The following NR2C2 variants were observed in gnomAD, a reference collection of about 807,000 sequenced individuals.
NR2C2 encodes the protein nuclear receptor subfamily 2 group C member 2.
A neutral mutation model predicts 62.9 loss-of-function variants in NR2C2; 6 were observed. That is an observed-to-expected ratio of 0.10 (90% CI 0.05 to 0.19). The LOEUF (loss-of-function observed/expected upper bound fraction) is 0.19, where lower values mean the gene tolerates loss of function less well. Ranked by LOEUF, NR2C2 falls within the 10% of genes least tolerant of loss-of-function variation. The pLI, the probability that NR2C2 is intolerant of heterozygous loss-of-function variation, is 1.00. For synonymous variants in NR2C2, 272 were observed against 273.8 expected (o/e 0.99, Z 0.07); for missense variants, 479 against 762.7 (o/e 0.63, Z 4.38).
chr3:15,040,510 C>T (rs2042228371), intron 13 of NR2C2, among the ~76,000 whole-genome samples: 1 of 152,232 alleles, frequency 6.6e-6, no homozygotes, highest in African/African-American at 2.4e-5. Flanking sequence ...CTGGGGGCTA[C>T]CCCTTCTGGC....
At chr3:15,031,612 A>G (rs543702448) in intron 9 of NR2C2, among the ~76,000 whole-genome samples, 5 of 152,054 alleles carry the variant, frequency 3.3e-5, no homozygotes, top group South Asian at 2.1e-4. Context: ...GCCTCAAGCA[A>G]TCCTCCCACC....
At chr3:14,966,499 A>C (rs2039863318) in intron 1 of NR2C2, among the ~76,000 whole-genome samples, 1 of 152,164 alleles carries the variant, frequency 6.6e-6, no homozygotes, top group South Asian at 2.1e-4. Context: ...AGGTTGGAGG[A>C]TCACTTGATC....
chr3:14,989,791 G>T lies in NR2C2; in HGVS notation c.-39-14085G>T, dbSNP rs1406043938. Among the ~76,000 whole-genome samples the T allele has an allele frequency of 2.6e-5, 4 of 151,866 alleles. No homozygotes were observed. The East Asian group carries it at 5.8e-4, about 22-fold the overall frequency. On this transcript the variant is annotated intron_variant, in intron 1 of 13. Transcript: ENST00000425241. ...CTACTAAAAATACAAAATTAGCAGG[G>T]TGTGGTGGCAGGCACCTGTAATCCC... is the stretch of plus-strand genomic sequence containing the variant.
At chr3:15,032,973 C>CG (rs992553793) in intron 10 of NR2C2, among the ~76,000 whole-genome samples, 23 of 149,916 alleles carry the variant, frequency 1.5e-4, no homozygotes, top group Middle Eastern at 3.2e-3. Context: ...AACCCCCCCC[C>CG]CTTTTCTTGC....
intron 2 of NR2C2, among the ~76,000 whole-genome samples, chr3:15,007,220 C>T (rs908081163): frequency 6.6e-6 from 1 of 151,760 alleles, no homozygotes; most frequent in African/African-American, 2.4e-5. Context: ...CTCCGCCTCC[C>T]GGGTTCATGC....
At chr3:14,954,392 CGAA>C (rs769395344) in intron 1 of NR2C2, among the ~76,000 whole-genome samples, 5 of 151,380 alleles carry the variant, frequency 3.3e-5, no homozygotes, top group Admixed American at 1.3e-4. Flanking sequence ...AATTTTCAAA[CGAA>C]GAAAAGAAAG....
intron 9 of NR2C2, 95 bp downstream of exon 9, chr3:15,030,547 G>T (rs2041955113): frequency 1.5e-6 from 2 of 1,311,890 alleles, no homozygotes; most frequent in South Asian, 1.6e-5. Flanking sequence ...AAACCTTGGG[G>T]CCAGGCATAG....
At chr3:14,954,393 G>A (rs1181430085) in intron 1 of NR2C2, among the ~76,000 whole-genome samples, 3 of 152,068 alleles carry the variant, frequency 2.0e-5, no homozygotes, top group East Asian at 3.9e-4. Flanking sequence ...ATTTTCAAAC[G>A]AAGAAAAGAA....
In NR2C2 at chr3:15,021,745, C is replaced by T. The variant is rs7640102; in HGVS notation, c.556+813C>T. 5.2e-3 allele frequency among the ~76,000 whole-genome samples: 793 copies of T among 152,310 alleles called. 8 individuals carry two copies. The highest frequency in any genetic ancestry group is 0.018 in the African/African-American group (750 of 41,568). ...CTGCAGGCTTCCGCTGAGTATGCTG[C>T]ATGGTTCTGTCATCTTTTGCATAGT... On this transcript the variant is annotated intron_variant, in intron 5 of 13. Coordinates refer to ENST00000425241, the MANE Select transcript of NR2C2 (RefSeq NM_001291694.2).
chr3:14,960,032 C>T (rs2039648089), intron 1 of NR2C2, among the ~76,000 whole-genome samples: 1 of 152,156 alleles, frequency 6.6e-6, no homozygotes, highest in African/African-American at 2.4e-5. Flanking sequence ...CCTTACTTCT[C>T]ATCAGATTCA....
At chr3:14,976,713 T>C (rs2040217712) in intron 1 of NR2C2, among the ~76,000 whole-genome samples, 1 of 151,938 alleles carries the variant, frequency 6.6e-6, no homozygotes, top group Non-Finnish European at 1.5e-5. Flanking sequence ...TATTTTCATT[T>C]ACATTACATG....
In NR2C2 at chr3:15,039,165, A is replaced by C; in HGVS notation, c.1554A>C (p.Gln518His). 1 of 1,614,192 alleles carries C rather than the reference A, an allele frequency of 6.2e-7. No homozygotes were observed. Among genetic ancestry groups the C allele is most frequent in the African/African-American group, 1.3e-5 (1 of 75,042 alleles). Residue 518 changes from glutamine to histidine, a missense_variant, in exon 13 of 14, where the codon CAA becomes CAC. Gln to His is a conservative substitution (Grantham distance 24). Transcript: ENST00000425241. Reference protein sequence around the residue: ...LTSTSQIEKFQEKAQMELQDY... With the variant: ...LTSTSQIEKFHEKAQMELQDY... ...GCACAAGCCAGATTGAAAAATTCCA[A>C]GAAAAGGCACAGATGGAGTTGCAGG... is the stretch of plus-strand genomic sequence containing the variant.
At chr3:14,987,638 T>A (rs2040548168) in intron 1 of NR2C2, among the ~76,000 whole-genome samples, 1 of 152,230 alleles carries the variant, frequency 6.6e-6, no homozygotes. Context: ...TCCTCCATAA[T>A]GCTTCTCATT....
intron 2 of NR2C2, among the ~76,000 whole-genome samples, chr3:15,011,756 G>A (rs1057028444): frequency 6.6e-6 from 1 of 152,134 alleles, no homozygotes; most frequent in Non-Finnish European, 1.5e-5. Context: ...TGCCTCTCTG[G>A]TCTTGCACTT....
intron 1 of NR2C2, among the ~76,000 whole-genome samples, chr3:14,951,497 G>GTT (rs1195421814): frequency 6.7e-6 from 1 of 150,340 alleles, no homozygotes; most frequent in African/African-American, 2.4e-5. Flanking sequence ...TTATTTTTGG[G>GTT]TTTTTTTTTC....
At chr3:15,019,100 C>T (rs1435700683) in intron 4 of NR2C2, among the ~76,000 whole-genome samples, 1 of 149,022 alleles carries the variant, frequency 6.7e-6, no homozygotes, top group Non-Finnish European at 1.5e-5. Context: ...GTGGTGCACA[C>T]CTATAATTCC....
chr3:15,002,951 G>A (rs1452128778), intron 1 of NR2C2, among the ~76,000 whole-genome samples: 9 of 145,100 alleles, frequency 6.2e-5, no homozygotes, highest in African/African-American at 2.3e-4. Flanking sequence ...AGCTACCGCC[G>A]CCGACCCACA....
chr3:15,043,171 C>G lies in NR2C2; in HGVS notation c.*163C>G, dbSNP rs922124573. 5.9e-6 allele frequency: 3 copies of G among 505,984 alleles called. No individual in the cohort carries two copies. The highest frequency in any genetic ancestry group is 9.7e-6 in the Non-Finnish European group (3 of 308,586). The allele number at this position is 505,984 out of a possible 1,614,324, so 31.3% of individuals were successfully genotyped here. ...ATCCCAGACAATAGCAATTAAAAGA[C>G]TAGTAGGATCCTTTCCTGACATAAG... On this transcript the variant is annotated 3_prime_UTR_variant, in exon 14 of 14. Coordinates refer to ENST00000425241, the MANE Select transcript of NR2C2 (RefSeq NM_001291694.2).
intron 1 of NR2C2, among the ~76,000 whole-genome samples, chr3:15,001,645 T>G (rs1471463538): frequency 6.6e-6 from 1 of 152,022 alleles, no homozygotes; most frequent in East Asian, 1.9e-4. Context: ...TTGTTTTTTG[T>G]TTTTGAAAGT....
Sources: allele counts gnomAD v4.1 joint callset (sites outside exome capture counted in the v4.1 genomes callset), GRCh38; gene constraint gnomAD v4.1.1; transcripts MANE v1.5; gene names NCBI Gene and HGNC (gene_info 2026-07-23, HGNC 2026-07-21).